The following STAG1 variants were observed in gnomAD, a reference collection of about 807,000 sequenced individuals.
The protein encoded by STAG1 is STAG1 cohesin complex component.
STAG1 carries 26 observed loss-of-function variants against 170.9 expected under a neutral mutation model. The observed-to-expected ratio is 0.15, with a 90% CI of 0.11 to 0.21. The LOEUF (loss-of-function observed/expected upper bound fraction) is 0.21. Among genes scored for constraint, STAG1 ranks in the 10% least tolerant of loss-of-function variants. The pLI is 1.00. For synonymous variants in STAG1, 514 were observed against 497.7 expected (o/e 1.03, Z -0.44); for missense variants, 964 against 1,509.5 (o/e 0.64, Z 5.99).
intron 13 of STAG1, among the ~76,000 whole-genome samples, chr3:136,458,347 G>C (rs1234820004): frequency 6.6e-6 from 1 of 152,134 alleles, no homozygotes; most frequent in Non-Finnish European, 1.5e-5. Flanking sequence ...AGCAGAGACA[G>C]GCTTTCATCA....
At chr3:136,414,163 A>G (rs553734098) in intron 21 of STAG1, among the ~76,000 whole-genome samples, 17 of 152,096 alleles carry the variant, frequency 1.1e-4, no homozygotes, top group Non-Finnish European at 2.4e-4. Context: ...CAATTTCTCA[A>G]GATGACAGTG....
intron 1 of STAG1, among the ~76,000 whole-genome samples, chr3:136,667,518 T>A (rs1941828237): frequency 6.6e-6 from 1 of 152,116 alleles, no homozygotes; most frequent in African/African-American, 2.4e-5. Flanking sequence ...AGGGGTGGAT[T>A]GTTTATTTTT....
intron 1 of STAG1, among the ~76,000 whole-genome samples, chr3:136,714,954 T>A (rs13078721): frequency 1.2e-4 from 8 of 66,032 alleles, no homozygotes; most frequent in Non-Finnish European, 2.7e-4. Context: ...TATATATATA[T>A]ATATATATAT....
chr3:136,623,071 T>G (rs1197390202), intron 3 of STAG1, 75 bp downstream of exon 3: 29 of 1,282,912 alleles, frequency 2.3e-5, no homozygotes, highest in Non-Finnish European at 2.9e-5. Flanking sequence ...ATACTAGCAC[T>G]AGAATTAACA....
intron 5 of STAG1, among the ~76,000 whole-genome samples, chr3:136,549,944 T>C (rs925730007): frequency 4.6e-5 from 7 of 152,354 alleles, no homozygotes; most frequent in African/African-American, 1.7e-4. Flanking sequence ...GTGATTTTTA[T>C]CCTTCATTCT....
chr3:136,521,441 T>G (rs1559855693), intron 6 of STAG1, 24 bp from the exon 7 acceptor site: 2 of 1,602,210 alleles, frequency 1.2e-6, no homozygotes, highest in Non-Finnish European at 1.7e-6. Context: ...AAAGAACATA[T>G]TAAGTATGTC....
chr3:136,740,095 T>G (rs1027382661), intron 1 of STAG1, among the ~76,000 whole-genome samples: 1 of 151,706 alleles, frequency 6.6e-6, no homozygotes, highest in Non-Finnish European at 1.5e-5. Flanking sequence ...AAATAACAGT[T>G]TAAAGAATTT....
intron 21 of STAG1, among the ~76,000 whole-genome samples, chr3:136,403,843 A>T (rs1227983620): frequency 6.6e-6 from 1 of 152,230 alleles, no homozygotes; most frequent in Non-Finnish European, 1.5e-5. Flanking sequence ...CCTGTTTCAA[A>T]TATAGAATTT....
At chr3:136,398,722 CT>C (rs1280650903) in intron 22 of STAG1, 26 bp downstream of exon 22, 1 of 1,472,758 alleles carries the variant, frequency 6.8e-7, no homozygotes, top group African/African-American at 1.4e-5. Flanking sequence ...AGTAATAACC[CT>C]TCTGCCTACA....
chr3:136,464,699 A>G (rs1040846254), intron 13 of STAG1, among the ~76,000 whole-genome samples, 182 bp downstream of exon 13: 11 of 152,192 alleles, frequency 7.2e-5, no homozygotes, highest in Admixed American at 1.3e-4. Context: ...CACAAGGTAC[A>G]GCATCCTCAA....
chr3:136,728,738 C>T (rs1933830560), intron 1 of STAG1, among the ~76,000 whole-genome samples: 1 of 152,180 alleles, frequency 6.6e-6, no homozygotes, highest in Non-Finnish European at 1.5e-5. Flanking sequence ...ATTTCCATCA[C>T]TGCAGAAAGT....
chr3:136,748,043 G>A (rs948686845), intron 1 of STAG1, among the ~76,000 whole-genome samples: 5 of 151,034 alleles, frequency 3.3e-5, no homozygotes, highest in Admixed American at 6.6e-5. Context: ...CCAAAGTGCT[G>A]GGATTACAGG....
At chr3:136,350,887 C>T (rs899970708) in intron 28 of STAG1, among the ~76,000 whole-genome samples, 1 of 152,110 alleles carries the variant, frequency 6.6e-6, no homozygotes, top group African/African-American at 2.4e-5. Flanking sequence ...CAACAAATGA[C>T]AGCGCAAAAC....
chr3:136,529,012 T>C (rs979788509), intron 6 of STAG1, among the ~76,000 whole-genome samples: 10 of 151,304 alleles, frequency 6.6e-5, no homozygotes, highest in Admixed American at 2.0e-4. Flanking sequence ...GAATAATTCA[T>C]TGAATAAAAT....
chr3:136,683,252 T>C (rs1942399991), intron 1 of STAG1, among the ~76,000 whole-genome samples: 1 of 140,618 alleles, frequency 7.1e-6, no homozygotes, highest in Non-Finnish European at 1.5e-5. Flanking sequence ...GTAAATTTTA[T>C]GTGTATTTCA....
chr3:136,532,685 G>T (rs1394393261), intron 6 of STAG1, among the ~76,000 whole-genome samples: 1 of 152,128 alleles, frequency 6.6e-6, no homozygotes, highest in African/African-American at 2.4e-5. Flanking sequence ...CATCTCAATA[G>T]ATGCAGAAAA....
chr3:136,642,731 T>G (rs1035453529), intron 1 of STAG1, among the ~76,000 whole-genome samples: 2 of 152,208 alleles, frequency 1.3e-5, no homozygotes, highest in African/African-American at 4.8e-5. Flanking sequence ...TACAAAAAGC[T>G]GGATGGCTTT....
Position 136,347,916 on chromosome 3 carries a change from T to C in STAG1, c.3271+1242A>G, listed in dbSNP as rs564539567. On this transcript the variant is annotated intron_variant, in intron 29 of 33. Coordinates refer to ENST00000383202, the MANE Select transcript of STAG1 (RefSeq NM_005862.3). ...TTAAGTAATATGCTCAAAGGTTGCA[T>C]AGCTGATAATGAGAAGGCCAGGTCT... is the stretch of plus-strand genomic sequence containing the variant. 3.3e-4 allele frequency among the ~76,000 whole-genome samples: 51 copies of C among 152,330 alleles called. 1 individual carries two copies. The highest frequency in any genetic ancestry group is 5.6e-4 in the Non-Finnish European group (38 of 68,026).
chr3:136,712,182 TA>T (rs1273954260), intron 1 of STAG1, among the ~76,000 whole-genome samples: 4 of 152,196 alleles, frequency 2.6e-5, no homozygotes, highest in Non-Finnish European at 5.9e-5. Context: ...CACACCCAGC[TA>T]ATTTTTTGTA....
Sources: allele counts gnomAD v4.1 joint callset (sites outside exome capture counted in the v4.1 genomes callset), GRCh38; gene constraint gnomAD v4.1.1; transcripts MANE v1.5; gene names NCBI Gene and HGNC (gene_info 2026-07-23, HGNC 2026-07-21).